Variants in PM20D2 observed in about 807,000 individuals in gnomAD.
PM20D2 encodes xaa-Arg dipeptidase.
Under a neutral mutation model 42.9 loss-of-function variants are expected in PM20D2, and 33 were observed. The ratio of observed to expected loss-of-function variants is 0.77; its 90% CI spans 0.58 to 1.03. PM20D2 has a LOEUF of 1.03. Among genes scored for constraint, PM20D2 ranks in the 50% least tolerant of loss-of-function variants. The pLI, the probability that PM20D2 is intolerant of heterozygous loss-of-function variation, is 0.00. For synonymous variants in PM20D2, 250 were observed against 228.2 expected, an observed-to-expected ratio of 1.10 and a Z score of -0.86; for missense variants, 548 against 557.0, an observed-to-expected ratio of 0.98 and a Z score of 0.16.
the PM20D2 span, among the ~76,000 whole-genome samples, chr6:89,125,774 ACT>A: frequency 4.2e-5 from 5 of 119,642 alleles, no homozygotes; most frequent in Admixed American, 4.5e-4. Flanking sequence ...CAACAGCAAA[ACT>A]CTGTCTCAAA....
At chr6:89,155,686 A>G (rs1471658964) in intron 4 of PM20D2, among the ~76,000 whole-genome samples, 1 of 151,994 alleles carries the variant, frequency 6.6e-6, no homozygotes, top group East Asian at 1.9e-4. Context: ...AAGTTAGTTA[A>G]GAGGTTTTAT....
At chr6:89,158,866 A>C (rs1771138994) in intron 5 of PM20D2, among the ~76,000 whole-genome samples, 1 of 152,148 alleles carries the variant, frequency 6.6e-6, no homozygotes, top group Non-Finnish European at 1.5e-5. Context: ...GAATTGAAAT[A>C]AGCATATTTG....
At chr6:89,141,977 A>ATTTTATTTTATTTTATTTTATTTTAT (rs1770326584), upstream of PM20D2, among the ~76,000 whole-genome samples, 1 of 148,598 alleles carries the variant, frequency 6.7e-6, no homozygotes, top group African/African-American at 2.5e-5. Context: ...CTTATTTACT[A>ATTTTATTTTATTTTATTTTATTTTAT]TTTATTTTAT....
chr6:89,150,739 C>T (rs1582337662), intron 2 of PM20D2, among the ~76,000 whole-genome samples: 1 of 151,340 alleles, frequency 6.6e-6, no homozygotes, highest in Admixed American at 6.6e-5. Flanking sequence ...AGGGTTTCAC[C>T]GTATTGGTCA....
the PM20D2 span, among the ~76,000 whole-genome samples, chr6:89,126,296 G>A: frequency 3.3e-5 from 5 of 152,110 alleles, no homozygotes; most frequent in East Asian, 7.7e-4. Context: ...TGGGGAGGCT[G>A]AGGTGGGAGG....
the PM20D2 span, chr6:89,105,894 T>C: frequency 6.5e-6 from 1 of 153,902 alleles, no homozygotes; most frequent in East Asian, 1.9e-4. Context: ...ACTCACTCCC[T>C]TCTTTCAGAT....
At chr6:89,149,813 T>C (rs930969993) in intron 2 of PM20D2, among the ~76,000 whole-genome samples, 3 of 152,226 alleles carry the variant, frequency 2.0e-5, no homozygotes, top group African/African-American at 7.2e-5. Flanking sequence ...TTTACTTTAA[T>C]TTGAGTTCTT....
intron 4 of PM20D2, among the ~76,000 whole-genome samples, chr6:89,155,187 C>T (rs1026811877): frequency 2.0e-5 from 3 of 147,216 alleles, no homozygotes; most frequent in Admixed American, 6.8e-5. Flanking sequence ...TCTTCCTTGT[C>T]GGCAGTTATA....
chr6:89,107,574 T>A, the PM20D2 span, among the ~76,000 whole-genome samples: 1,292 of 151,684 alleles, frequency 8.5e-3, 19 homozygotes, highest in African/African-American at 0.03. Flanking sequence ...TACAAAAAAA[T>A]ACAAAAATCA....
At chr6:89,149,622 A>G (rs1770759017) in intron 2 of PM20D2, among the ~76,000 whole-genome samples, 2 of 152,258 alleles carry the variant, frequency 1.3e-5, no homozygotes, top group African/African-American at 2.4e-5. Flanking sequence ...GTATTAAAAT[A>G]GTAGCACTTA....
the PM20D2 span, among the ~76,000 whole-genome samples, chr6:89,124,583 G>A: frequency 1.1e-4 from 17 of 151,816 alleles, no homozygotes; most frequent in African/African-American, 3.6e-4. Flanking sequence ...AATTCACCCA[G>A]GAATAAAAAA....
At position 89,154,030 on chromosome 6, in the gene PM20D2, T is replaced by A. The variant is rs556384055; in HGVS notation, c.758-718T>A. ...TTTAGGAAATTGTTATATTTTAATA[T>A]CTATTCTTTACCTGATTTTGCTATA... is the stretch of plus-strand genomic sequence containing the variant. On this transcript the variant is annotated intron_variant, in intron 3 of 6. Transcript: ENST00000275072. Among the ~76,000 whole-genome samples, 3 of 152,340 alleles carry A rather than the reference T, an allele frequency of 2.0e-5. No homozygotes were observed. In the South Asian group the frequency reaches 6.2e-4, roughly 32 times the overall value.
At chr6:89,142,509 A>T (rs1362722429), upstream of PM20D2, among the ~76,000 whole-genome samples, 1 of 152,198 alleles carries the variant, frequency 6.6e-6, no homozygotes, top group Non-Finnish European at 1.5e-5. Context: ...TGTTAAACTG[A>T]AACGATGTAG....
At chr6:89,098,339 T>G in the PM20D2 span, 5 of 374,412 alleles carry the variant, frequency 1.3e-5, no homozygotes, top group South Asian at 1.5e-4. Context: ...TCTGCCACAA[T>G]GTAAATAAAA....
At chr6:89,101,109 C>CAAAAAAAAA in the PM20D2 span, among the ~76,000 whole-genome samples, 2 of 54,608 alleles carry the variant, frequency 3.7e-5, no homozygotes, top group South Asian at 6.9e-4. Flanking sequence ...ACCTCCAAGA[C>CAAAAAAAAA]AAAAAAAAAA....
chr6:89,148,496 T>G, intron 1 of PM20D2: 1 of 954,704 alleles, frequency 1.0e-6, no homozygotes, highest in Non-Finnish European at 1.2e-6. Context: ...AAAATGTTTA[T>G]TCTGTAAAGT....
At chr6:89,116,647 C>T in the PM20D2 span, among the ~76,000 whole-genome samples, 2 of 151,816 alleles carry the variant, frequency 1.3e-5, no homozygotes, top group Admixed American at 6.6e-5. Flanking sequence ...TGGTGGCACA[C>T]GCCTGTAATC....
chr6:89,160,659 T>G (rs1210560495), intron 5 of PM20D2, among the ~76,000 whole-genome samples: 1 of 152,230 alleles, frequency 6.6e-6, no homozygotes, highest in African/African-American at 2.4e-5. Context: ...TCATACAGCC[T>G]CATAATTTAG....
upstream of PM20D2, among the ~76,000 whole-genome samples, chr6:89,141,925 TC>T (rs1233149320): frequency 6.6e-6 from 1 of 150,552 alleles, no homozygotes; most frequent in Admixed American, 6.7e-5. Context: ...AACCTCAGCC[TC>T]CAGAGGAGCT....
Sources: gnomAD v4.1 joint callset for allele counts (sites outside exome capture counted in the v4.1 genomes callset) on GRCh38, gnomAD v4.1.1 for gene constraint, MANE v1.5 for transcripts, NCBI Gene and HGNC (gene_info 2026-07-23, HGNC 2026-07-21) for gene names.